Variants in C7orf33 observed in about 807,000 individuals in gnomAD.
C7orf33 encodes the protein uncharacterized protein C7orf33.
In C7orf33, 15 loss-of-function variants were observed where a neutral mutation model predicts 13.4. The observed-to-expected ratio is 1.12, with a 90% CI of 0.75 to 1.72. The LOEUF is 1.72. Ranked by LOEUF, C7orf33 falls within the 40% of genes most tolerant of loss-of-function variation. C7orf33 has a pLI of 0.00. For missense variants in C7orf33, 187 were observed against 220.3 expected (o/e 0.85, Z 0.96); for synonymous variants, 73 against 83.2 (o/e 0.88, Z 0.67).
chr7:148,600,661 T>G (rs1796401391), intron 1 of C7orf33, among the ~76,000 whole-genome samples: 3 of 152,298 alleles, frequency 2.0e-5, no homozygotes, highest in African/African-American at 4.8e-5. Context: ...GCATTTCAAT[T>G]CTTTATTTTG....
chr7:148,595,361 C>A (rs1327906324), intron 1 of C7orf33, among the ~76,000 whole-genome samples: 4 of 130,198 alleles, frequency 3.1e-5, no homozygotes, highest in Admixed American at 8.2e-5. Context: ...ATAGATATAT[C>A]AAATATAATA....
chr7:148,600,375 G>C (rs970020731), intron 1 of C7orf33, among the ~76,000 whole-genome samples: 15 of 152,206 alleles, frequency 9.9e-5, no homozygotes, highest in Admixed American at 9.8e-4. Flanking sequence ...GGAGGCTGAG[G>C]CAGGAGAATC....
At chr7:148,591,218 T>C (rs1332520046) in intron 1 of C7orf33, 89 bp downstream of exon 1, 1 of 1,130,428 alleles carries the variant, frequency 8.8e-7, no homozygotes, top group Non-Finnish European at 1.3e-6. Context: ...TGAATGTTTT[T>C]GACTCTCTAC....
At chr7:148,602,024 C>G (rs980841509) in intron 1 of C7orf33, among the ~76,000 whole-genome samples, 1 of 152,196 alleles carries the variant, frequency 6.6e-6, no homozygotes, top group African/African-American at 2.4e-5. Flanking sequence ...ACTGGGATTA[C>G]AGGCGTGAGC....
chr7:148,615,143 T>C (rs554415363), intron 2 of C7orf33, among the ~76,000 whole-genome samples, 184 bp from the exon 3 acceptor site: 1 of 152,304 alleles, frequency 6.6e-6, no homozygotes, highest in Admixed American at 6.5e-5. Flanking sequence ...TTTGCCATGC[T>C]GCCCAGGCTG....
At chr7:148,614,015 A>G in intron 1 of C7orf33, 27 bp from the exon 2 acceptor site, 1 of 1,555,420 alleles carries the variant, frequency 6.4e-7, no homozygotes, top group Admixed American at 1.8e-5. Context: ...CTTTAACCCA[A>G]TTTGTTTGTT....
At chr7:148,592,576 G>A (rs1005526401) in intron 1 of C7orf33, among the ~76,000 whole-genome samples, 16 of 150,790 alleles carry the variant, frequency 1.1e-4, no homozygotes, top group South Asian at 4.2e-4. Flanking sequence ...GTACAGTGGC[G>A]TGATCTTGGC....
chr7:148,591,181 C>G lies in C7orf33; in HGVS notation c.204+52C>G, dbSNP rs768548472. 2.1e-6 allele frequency: 3 copies of G among 1,427,916 alleles called. No homozygotes were observed. In the Admixed American group the frequency reaches 5.1e-5, roughly 24 times the overall value. 88.5% of individuals were successfully genotyped at this position (1,427,916 alleles called of 1,614,324 possible). A position where few individuals can be genotyped will look rare whatever the true frequency, so the allele number is the denominator to read the frequency against. On this transcript the variant is annotated intron_variant, in intron 1 of 2. Coordinates refer to ENST00000307003, the MANE Select transcript of C7orf33 (RefSeq NM_145304.4). ...AACTGCTCTTTGAGTCAGTCAGTAT[C>G]TCTTGAGAATTCATTCACTCAATCC...
At chr7:148,602,946 C>G (rs562366090) in intron 1 of C7orf33, among the ~76,000 whole-genome samples, 16 of 152,268 alleles carry the variant, frequency 1.1e-4, no homozygotes, top group African/African-American at 3.6e-4. Context: ...ATGGCTACTT[C>G]TTAAGTCTGA....
chr7:148,605,719 A>G (rs1432790894), intron 1 of C7orf33, among the ~76,000 whole-genome samples: 1 of 152,128 alleles, frequency 6.6e-6, no homozygotes, highest in East Asian at 1.9e-4. Flanking sequence ...CTAAGTTCCT[A>G]CTTGTTCCCT....
intron 1 of C7orf33, among the ~76,000 whole-genome samples, chr7:148,606,933 T>TACACACACACACACACACACACACACAC (rs112000703): frequency 7.2e-6 from 1 of 139,232 alleles, no homozygotes; most frequent in Non-Finnish European, 1.5e-5. Flanking sequence ...AAAAAAAAAA[T>TACACACACACACACACACACACACACAC]ACACACACAC....
chr7:148,613,523 C>T (rs755634412), intron 1 of C7orf33, among the ~76,000 whole-genome samples: 10 of 152,202 alleles, frequency 6.6e-5, no homozygotes, highest in Non-Finnish European at 1.2e-4. Flanking sequence ...ACAACATAGT[C>T]GGACCTTGAA....
intron 1 of C7orf33, among the ~76,000 whole-genome samples, chr7:148,607,505 T>C (rs1294200686): frequency 6.6e-6 from 1 of 152,186 alleles, no homozygotes; most frequent in Non-Finnish European, 1.5e-5. Flanking sequence ...GTAGATTTAT[T>C]GATTAAAAAG....
Position 148,595,761 on chromosome 7 carries a change from ATATC to A in C7orf33, c.204+4636_204+4639del, listed in dbSNP as rs1342367823. 1.6e-4 allele frequency among the ~76,000 whole-genome samples: 23 copies of A among 143,792 alleles called. 1 individual carries two copies. The highest frequency in any genetic ancestry group is 5.9e-4 in the African/African-American group (23 of 39,076). 94.3% of individuals were successfully genotyped at this position (143,792 alleles called of 152,430 possible). A position where few individuals can be genotyped will look rare whatever the true frequency, so the allele number is the denominator to read the frequency against. On this transcript the variant is annotated intron_variant, in intron 1 of 2. Transcript: ENST00000307003. ...TGTTATATAGATATAATATATATAT[ATATC>A]TATATCTCAAGCAGGCCACTGTGCC...
At chr7:148,598,603 AGAACT>A (rs1201390171) in intron 1 of C7orf33, among the ~76,000 whole-genome samples, 1 of 150,766 alleles carries the variant, frequency 6.6e-6, no homozygotes, top group Non-Finnish European at 1.5e-5. Context: ...TTCTTATAGC[AGAACT>A]GGCGCTCTGC....
chr7:148,604,837 AG>A (rs1450586762), intron 1 of C7orf33, among the ~76,000 whole-genome samples: 18 of 152,268 alleles, frequency 1.2e-4, no homozygotes, highest in Non-Finnish European at 4.4e-5. Context: ...TTCCAAAAAA[AG>A]GCAGAGAAAA....
At chr7:148,593,144 C>T (rs1163894918) in intron 1 of C7orf33, among the ~76,000 whole-genome samples, 3 of 152,078 alleles carry the variant, frequency 2.0e-5, no homozygotes. Context: ...CTGGCCGACA[C>T]GATTTAAATC....
At chr7:148,599,838 C>A (rs116485447) in intron 1 of C7orf33, among the ~76,000 whole-genome samples, 1,592 of 152,240 alleles carry the variant, frequency 0.01, 29 homozygotes, top group African/African-American at 0.036. Context: ...TGGCCCTTGA[C>A]CTGCAGCACG....
chr7:148,614,725 A>G (rs1216868546), intron 2 of C7orf33, among the ~76,000 whole-genome samples: 2 of 152,192 alleles, frequency 1.3e-5, no homozygotes, highest in Non-Finnish European at 2.9e-5. Context: ...CACTCAGCAC[A>G]TAAAGTTCCA....
Sources: gnomAD v4.1 joint callset for allele counts (sites outside exome capture counted in the v4.1 genomes callset) on GRCh38, gnomAD v4.1.1 for gene constraint, MANE v1.5 for transcripts, NCBI Gene and HGNC (gene_info 2026-07-23, HGNC 2026-07-21) for gene names.